The following GNA12 variants were observed in gnomAD, a reference collection of about 807,000 sequenced individuals.
GNA12 encodes guanine nucleotide-binding protein subunit alpha-12.
In GNA12, 9 loss-of-function variants were observed where a neutral mutation model predicts 26.0. The ratio of observed to expected loss-of-function variants is 0.35; its 90% confidence interval spans 0.21 to 0.60. The LOEUF (loss-of-function observed/expected upper bound fraction) is 0.60. Ranked by LOEUF, GNA12 falls within the 20% of genes least tolerant of loss-of-function variation. The pLI is 0.78. For synonymous variants in GNA12, 264 were observed against 219.6 expected (o/e 1.20, Z -1.79); for missense variants, 405 against 525.8 (o/e 0.77, Z 2.25).
At chr7:2,755,331 G>C (rs1002897199) in intron 2 of GNA12, among the ~76,000 whole-genome samples, 3 of 152,214 alleles carry the variant, frequency 2.0e-5, no homozygotes, top group African/African-American at 7.2e-5. Context: ...TGTCAAATCT[G>C]TGTATCAATC....
chr7:2,842,417 G>T (rs191227351), intron 1 of GNA12, among the ~76,000 whole-genome samples: 1 of 152,214 alleles, frequency 6.6e-6, no homozygotes, highest in Non-Finnish European at 1.5e-5. Flanking sequence ...TCCTACCTCA[G>T]CCGCTCAAGC....
chr7:2,734,831 C>A (rs909271359), intron 2 of GNA12, among the ~76,000 whole-genome samples: 1 of 152,122 alleles, frequency 6.6e-6, no homozygotes, highest in Admixed American at 6.5e-5. Context: ...ACGTGCACCT[C>A]GTGACCACCG....
At position 2,742,467 on chromosome 7, in the gene GNA12, A is replaced by G. The variant is rs188659279; in HGVS notation, c.526-8966T>C. Among the ~76,000 whole-genome samples the G allele has an allele frequency of 1.9e-3, 294 of 152,310 alleles. 2 individuals carry two copies. Among genetic ancestry groups the G allele is most frequent in the Non-Finnish European group, 3.5e-3 (235 of 68,034 alleles). On this transcript the variant is annotated intron_variant, in intron 2 of 3. Transcript: ENST00000275364. The stretch of plus-strand genomic sequence containing the variant: ...TGTGAGTGACATTCCACTGTCAACA[A>G]GAGCCCTGCTCCTGTTTATCTCATC...
chr7:2,758,356 T>A (rs1215750104), intron 2 of GNA12, among the ~76,000 whole-genome samples: 1 of 152,158 alleles, frequency 6.6e-6, no homozygotes, highest in African/African-American at 2.4e-5. Flanking sequence ...TCGTGTGGCC[T>A]CTGAAAAGCT....
At chr7:2,750,794 G>A (rs927553766) in intron 2 of GNA12, among the ~76,000 whole-genome samples, 3 of 152,226 alleles carry the variant, frequency 2.0e-5, no homozygotes, top group African/African-American at 7.2e-5. Flanking sequence ...GAAACACAGT[G>A]TGAAGTTACA....
At chr7:2,738,321 G>A (rs59184679) in intron 2 of GNA12, among the ~76,000 whole-genome samples, 3,456 of 151,982 alleles carry the variant, frequency 0.023, 124 homozygotes, top group African/African-American at 0.079. Flanking sequence ...TTCACTGGCA[G>A]AAATACAAAG....
chr7:2,767,051 CA>C (rs1791824664), intron 2 of GNA12, among the ~76,000 whole-genome samples: 1 of 152,236 alleles, frequency 6.6e-6, no homozygotes, highest in Admixed American at 6.5e-5. Context: ...GAGAACTGTC[CA>C]TTCAAGCCCT....
intron 2 of GNA12, chr7:2,763,332 G>A (rs745751859): frequency 4.7e-4 from 76 of 161,788 alleles, no homozygotes; most frequent in Admixed American, 1.4e-3. Context: ...CACAAATGCC[G>A]GTGCGCCCTC....
chr7:2,758,652 A>G (rs990817937), intron 2 of GNA12, among the ~76,000 whole-genome samples: 1 of 152,202 alleles, frequency 6.6e-6, no homozygotes, highest in African/African-American at 2.4e-5. Flanking sequence ...GGGGGCCCCC[A>G]CAGCACACTT....
rs185440629 is a variant in GNA12 at position 2,834,527 on chromosome 7, A to G, written c.309+9326T>C. On this transcript the variant is annotated intron_variant, in intron 1 of 3. Coordinates refer to ENST00000275364, the MANE Select transcript of GNA12 (RefSeq NM_007353.3). ...CCCTTCTGCATCAGCACCTAGCACA[A>G]TGCCGTGGAGATTTTGTTGAACTTG... is the stretch of plus-strand genomic sequence containing the variant. 3.9e-5 allele frequency among the ~76,000 whole-genome samples: 6 copies of G among 152,340 alleles called. No individual in the cohort carries two copies. The East Asian group carries it at 7.7e-4, about 20-fold the overall frequency.
chr7:2,829,962 C>T (rs1793565189), intron 1 of GNA12, among the ~76,000 whole-genome samples: 1 of 152,190 alleles, frequency 6.6e-6, no homozygotes. Flanking sequence ...TGGATTTTCT[C>T]CTGCTAGCTA....
Position 2,839,476 on chromosome 7 carries a change from T to C in GNA12, c.309+4377A>G, listed in dbSNP as rs542697003. On this transcript the variant is annotated intron_variant, in intron 1 of 3. Transcript: ENST00000275364. ...TCTGTGCACTGCAACCTATGCCTCC[T>C]AGGTTCAAGTGATTCTCCTGCCTCA... Among the ~76,000 whole-genome samples the C allele has an allele frequency of 2.8e-4, 42 of 152,238 alleles. No homozygotes were observed. The East Asian group carries it at 7.8e-3, about 28-fold the overall frequency.
chr7:2,811,877 C>G (rs1433106546), intron 1 of GNA12, among the ~76,000 whole-genome samples: 1 of 152,230 alleles, frequency 6.6e-6, no homozygotes, highest in African/African-American at 2.4e-5. Context: ...TCAAAAAGCC[C>G]CTCCCTTAAG....
intron 2 of GNA12, chr7:2,763,157 G>A: frequency 1.6e-5 from 19 of 1,171,916 alleles, no homozygotes; most frequent in Non-Finnish European, 1.9e-5. Context: ...ATATTCTGCT[G>A]ACAAGAGGTT....
chr7:2,760,929 C>A (rs956889007), intron 2 of GNA12, among the ~76,000 whole-genome samples: 5 of 152,196 alleles, frequency 3.3e-5, no homozygotes, highest in Non-Finnish European at 5.9e-5. Context: ...TGGCTGGCAC[C>A]TTCCCCACTC....
At chr7:2,778,334 C>G (rs989121603) in intron 2 of GNA12, among the ~76,000 whole-genome samples, 8 of 152,224 alleles carry the variant, frequency 5.3e-5, no homozygotes, top group African/African-American at 1.9e-4. Context: ...TTCACAAGAG[C>G]AGGCTGGCTT....
At position 2,731,048 on chromosome 7, in the gene GNA12, A is replaced by T; in HGVS notation, c.*133T>A. 3.2e-6 allele frequency: 2 copies of T among 618,534 alleles called. No homozygotes were observed. The highest frequency in any genetic ancestry group is 5.6e-6 in the Non-Finnish European group (2 of 355,028). 38.3% of individuals were successfully genotyped at this position (618,534 alleles called of 1,614,324 possible). On this transcript the variant is annotated 3_prime_UTR_variant, in exon 4 of 4. Transcript: ENST00000275364. This position sits in a 1 kb window ranked among gnomAD's most constrained non-coding sequence, Gnocchi z 6.0. ...CTCGCTGGCTGGCTGGTCTGACAGC[A>T]TTCCTGAGCCAGGTATTCCAGGGCA... is the stretch of plus-strand genomic sequence containing the variant.
chr7:2,787,334 G>A (rs920752321), intron 2 of GNA12, among the ~76,000 whole-genome samples: 1 of 152,154 alleles, frequency 6.6e-6, no homozygotes, highest in Non-Finnish European at 1.5e-5. Context: ...TTAAGTGTCA[G>A]TCAAACCACA....
chr7:2,766,811 G>A (rs770216079), intron 2 of GNA12, among the ~76,000 whole-genome samples: 33 of 152,194 alleles, frequency 2.2e-4, no homozygotes, highest in Non-Finnish European at 1.8e-4. Flanking sequence ...TTGCATCTGG[G>A]TCTCTTCCTA....
Sources: allele counts gnomAD v4.1 joint callset (sites outside exome capture counted in the v4.1 genomes callset), GRCh38; gene constraint gnomAD v4.1.1; non-coding constraint Gnocchi (gnomAD v3.1); transcripts MANE v1.5; gene names NCBI Gene and HGNC (gene_info 2026-07-23, HGNC 2026-07-21).